The following WDR72 variants were observed in gnomAD, a reference collection of about 807,000 sequenced individuals.
WDR72 encodes WD repeat-containing protein 72.
Under a neutral mutation model 124.2 loss-of-function variants are expected in WDR72, and 120 were observed. The observed-to-expected ratio is 0.97, with a 90% CI of 0.83 to 1.12. The LOEUF (loss-of-function observed/expected upper bound fraction) is 1.12, where lower values mean the gene tolerates loss of function less well. Ranked by LOEUF, WDR72 falls within the 50% of genes most tolerant of loss-of-function variation. WDR72 has a pLI of 0.00. For synonymous variants in WDR72, 452 were observed against 441.7 expected, an observed-to-expected ratio of 1.02 and a Z score of -0.29; for missense variants, 1,387 against 1,278.8, an observed-to-expected ratio of 1.08 and a Z score of -1.29.
At chr15:53,666,580 T>C (rs183690467) in intron 13 of WDR72, among the ~76,000 whole-genome samples, 2 of 152,298 alleles carry the variant, frequency 1.3e-5, no homozygotes, top group Admixed American at 1.3e-4. Context: ...ATATTAAATA[T>C]ATAGGTTATC....
At chr15:53,628,498 T>G (rs888932091) in intron 14 of WDR72, among the ~76,000 whole-genome samples, 1 of 152,152 alleles carries the variant, frequency 6.6e-6, no homozygotes, top group Non-Finnish European at 1.5e-5. Flanking sequence ...GAAAAGATAG[T>G]GTGATTTCTT....
intron 18 of WDR72, among the ~76,000 whole-genome samples, chr15:53,529,164 A>ATATATTTTTTTTTTT (rs59003623): frequency 5.4e-4 from 42 of 78,138 alleles, no homozygotes; most frequent in African/African-American, 1.9e-3. Context: ...ATATATATAT[A>ATATATTTTTTTTTTT]TTTTTTTTTT....
intron 17 of WDR72, among the ~76,000 whole-genome samples, chr15:53,608,472 AGGT>A (rs1160459014): frequency 1.8e-4 from 14 of 79,224 alleles, no homozygotes; most frequent in Admixed American, 1.1e-3. Context: ...CAATCAAAAC[AGGT>A]CAGGTGAGAT....
At chr15:53,761,554 G>A (rs1049839485), upstream of WDR72, among the ~76,000 whole-genome samples, 1 of 152,186 alleles carries the variant, frequency 6.6e-6, no homozygotes, top group Non-Finnish European at 1.5e-5. Context: ...GCATAGGCAT[G>A]GTGGCTCATG....
chr15:53,615,415 G>A lies in WDR72; in HGVS notation c.2780+11C>T. 2 of 1,590,370 alleles carry A rather than the reference G, an allele frequency of 1.3e-6. No individual in the cohort carries two copies. The highest frequency in any genetic ancestry group is 1.1e-5 in the South Asian group (1 of 90,070). ...AATCTAGTATAGTCAAAATCTCTAGGTATGTCTTACCTGCCAACTCTACAT... is the reference window on the plus strand; with the variant it reads ...AATCTAGTATAGTCAAAATCTCTAGATATGTCTTACCTGCCAACTCTACAT... On this transcript the variant is annotated intron_variant, in intron 15 of 19. Transcript: ENST00000360509.
chr15:53,602,670 C>T (rs895139114), intron 17 of WDR72, among the ~76,000 whole-genome samples: 1 of 151,972 alleles, frequency 6.6e-6, no homozygotes, highest in African/African-American at 2.4e-5. Context: ...ACTGACCCAA[C>T]AGAAAAGCAA....
chr15:53,688,488 T>A (rs1233336105), intron 13 of WDR72, among the ~76,000 whole-genome samples: 3 of 151,842 alleles, frequency 2.0e-5, no homozygotes, highest in African/African-American at 7.3e-5. Flanking sequence ...ATAAAATACC[T>A]AGGAATCCAA....
At chr15:53,547,074 C>T (rs1177420755) in intron 18 of WDR72, among the ~76,000 whole-genome samples, 1 of 152,190 alleles carries the variant, frequency 6.6e-6, no homozygotes. Context: ...GCCTTGGCTC[C>T]AAAGCCAACA....
At chr15:53,530,659 A>C (rs12439886) in intron 18 of WDR72, among the ~76,000 whole-genome samples, 3 of 151,852 alleles carry the variant, frequency 2.0e-5, no homozygotes, top group African/African-American at 7.2e-5. Flanking sequence ...GCTTGTATTT[A>C]AAAATTTAGA....
intron 13 of WDR72, among the ~76,000 whole-genome samples, chr15:53,691,804 C>T (rs1302631889): frequency 6.6e-6 from 1 of 152,144 alleles, no homozygotes; most frequent in Non-Finnish European, 1.5e-5. Flanking sequence ...TAGGGATTTG[C>T]CAAAGACTGC....
intron 1 of WDR72, among the ~76,000 whole-genome samples, chr15:53,752,671 T>C (rs2018803416): frequency 6.6e-6 from 1 of 152,202 alleles, no homozygotes; most frequent in African/African-American, 2.4e-5. Flanking sequence ...TGGTACTTTG[T>C]TATACATTCC....
At chr15:53,727,252 A>G (rs1830352429) in intron 2 of WDR72, among the ~76,000 whole-genome samples, 1 of 151,344 alleles carries the variant, frequency 6.6e-6, no homozygotes, top group South Asian at 2.1e-4. Context: ...AAGACCAAAA[A>G]TTGAATTTGA....
Position 53,711,103 on chromosome 15 carries a change from T to C in WDR72, c.858-150A>G, listed in dbSNP as rs1174411818. The C allele has an allele frequency of 5.5e-6, 5 of 903,728 alleles. No homozygotes were observed. In the African/African-American group the frequency reaches 8.3e-5, roughly 15 times the overall value. The allele number at this position is 903,728 out of a possible 1,614,324, so 56.0% of individuals were successfully genotyped here. A position where few individuals can be genotyped will look rare whatever the true frequency, so the allele number is the denominator to read the frequency against. On this transcript the variant is annotated intron_variant, in intron 8 of 19. Transcript: ENST00000360509. ...TGGGTTAATAATTACAAGTGACTTT[T>C]TGAAAACCCAGCACCAGCTGTACAA... is the stretch of plus-strand genomic sequence containing the variant.
At chr15:53,557,620 G>A (rs1328980626) in intron 18 of WDR72, among the ~76,000 whole-genome samples, 1 of 151,950 alleles carries the variant, frequency 6.6e-6, no homozygotes, top group Non-Finnish European at 1.5e-5. Flanking sequence ...TTGAGTTCTT[G>A]TGTAATGAAA....
At position 53,670,713 on chromosome 15, in the gene WDR72, T is replaced by C. The variant is rs112495084; in HGVS notation, c.1766-4945A>G. ...GGGGATAATAATAATCCCTACATCA[T>C]GGAGTTACTTGAGGATTAAATTGAG... On this transcript the variant is annotated intron_variant, in intron 13 of 19. Transcript: ENST00000360509. Among the ~76,000 whole-genome samples, 1,219 of 152,338 alleles carry C rather than the reference T, an allele frequency of 8.0e-3. 11 individuals are homozygous for C. Among genetic ancestry groups the C allele is most frequent in the African/African-American group, 0.027 (1,135 of 41,572 alleles).
At chr15:53,697,858 G>A (rs983053133) in intron 13 of WDR72, among the ~76,000 whole-genome samples, 5 of 152,046 alleles carry the variant, frequency 3.3e-5, no homozygotes, top group Non-Finnish European at 4.4e-5. Context: ...GCCCAGGCTG[G>A]AATGTAGTGG....
At chr15:53,571,306 C>T (rs1393156668) in intron 18 of WDR72, among the ~76,000 whole-genome samples, 3 of 150,962 alleles carry the variant, frequency 2.0e-5, no homozygotes, top group African/African-American at 5.0e-5. Flanking sequence ...ACAAACAAAA[C>T]ATACTTTGAA....
chr15:53,599,742 C>G (rs2012955430), intron 17 of WDR72, among the ~76,000 whole-genome samples: 1 of 152,022 alleles, frequency 6.6e-6, no homozygotes, highest in Non-Finnish European at 1.5e-5. Flanking sequence ...ATCTCTCCCA[C>G]TGAATATAAT....
intron 14 of WDR72, among the ~76,000 whole-genome samples, chr15:53,640,877 T>C (rs575867066): frequency 6.6e-6 from 1 of 151,918 alleles, no homozygotes; most frequent in Non-Finnish European, 1.5e-5. Flanking sequence ...TGAGTCCCTT[T>C]ATATATAAAG....
Sources: gnomAD v4.1 joint callset for allele counts (sites outside exome capture counted in the v4.1 genomes callset) on GRCh38, gnomAD v4.1.1 for gene constraint, MANE v1.5 for transcripts, NCBI Gene and HGNC (gene_info 2026-07-23, HGNC 2026-07-21) for gene names.